Variants in NHLRC2 observed in about 807,000 individuals in gnomAD.
NHLRC2 encodes the protein NHL repeat containing 2, also known as NHL repeat-containing protein 2.
A neutral mutation model predicts 68.1 loss-of-function variants in NHLRC2; 33 were observed. That is an observed-to-expected ratio of 0.48 (90% CI 0.37 to 0.65). The LOEUF (loss-of-function observed/expected upper bound fraction) is 0.65. Ranked by LOEUF, NHLRC2 falls within the 30% of genes least tolerant of loss-of-function variation. NHLRC2 has a pLI of 0.00. For synonymous variants in NHLRC2, 311 were observed against 309.6 expected (o/e 1.00, Z -0.05); for missense variants, 761 against 853.8 (o/e 0.89, Z 1.35).
intron 6 of NHLRC2, among the ~76,000 whole-genome samples, chr10:113,900,901 C>G (rs929953444): frequency 6.6e-6 from 1 of 152,134 alleles, no homozygotes; most frequent in Non-Finnish European, 1.5e-5. Context: ...TGTCCCGAGT[C>G]AGCTGCTTCC....
At chr10:113,859,760 G>C (rs1354578187) in intron 2 of NHLRC2, among the ~76,000 whole-genome samples, 1 of 152,184 alleles carries the variant, frequency 6.6e-6, no homozygotes, top group African/African-American at 2.4e-5. Context: ...GCTAACTGCT[G>C]AGGAAATATG....
chr10:113,865,489 G>A (rs1411947609), intron 2 of NHLRC2, among the ~76,000 whole-genome samples: 1 of 150,704 alleles, frequency 6.6e-6, no homozygotes, highest in Non-Finnish European at 1.5e-5. Context: ...ACAGGTTTGT[G>A]AAGAATATTG....
At chr10:113,872,280 A>G (rs1039591845) in intron 2 of NHLRC2, among the ~76,000 whole-genome samples, 1 of 152,138 alleles carries the variant, frequency 6.6e-6, no homozygotes, top group African/African-American at 2.4e-5. Context: ...GAGAAAGAAG[A>G]TATATCAACC....
At chr10:113,898,526 G>C (rs1222679444) in intron 6 of NHLRC2, among the ~76,000 whole-genome samples, 1 of 152,182 alleles carries the variant, frequency 6.6e-6, no homozygotes, top group Non-Finnish European at 1.5e-5. Context: ...CTACTCAGAA[G>C]TGACACACGT....
At chr10:113,884,424 C>T (rs1410604319) in intron 5 of NHLRC2, 44 bp downstream of exon 5, 5 of 1,515,664 alleles carry the variant, frequency 3.3e-6, no homozygotes, top group Admixed American at 1.8e-5. Flanking sequence ...AATTTTACTT[C>T]ATGTAAGATT....
chr10:113,870,221 TC>T (rs1246243479), intron 2 of NHLRC2, among the ~76,000 whole-genome samples: 4 of 152,152 alleles, frequency 2.6e-5, no homozygotes, highest in Non-Finnish European at 5.9e-5. Flanking sequence ...TCATTTTAAG[TC>T]CCCCCATCTT....
chr10:113,881,858 C>T (rs141117131), intron 4 of NHLRC2, among the ~76,000 whole-genome samples: 1 of 151,830 alleles, frequency 6.6e-6, no homozygotes, highest in Non-Finnish European at 1.5e-5. Flanking sequence ...ACAGATAGTC[C>T]CTGTCCCCTC....
chr10:113,861,745 G>A (rs1324088027), intron 2 of NHLRC2, among the ~76,000 whole-genome samples: 1 of 152,144 alleles, frequency 6.6e-6, no homozygotes, highest in Non-Finnish European at 1.5e-5. Context: ...TAATAGGCAA[G>A]TATAAAAACT....
intron 2 of NHLRC2, among the ~76,000 whole-genome samples, chr10:113,862,611 C>A (rs538631147): frequency 6.6e-6 from 1 of 152,178 alleles, no homozygotes; most frequent in East Asian, 1.9e-4. Flanking sequence ...TGGATTAAGT[C>A]TTCTAATTGA....
rs140777517 is a variant in NHLRC2, at chr10:113,876,790, A to C, written c.601A>C (p.Arg201=). The C allele has an allele frequency of 6.2e-7, 1 of 1,612,084 alleles. No individual in the cohort carries two copies. The highest frequency in any genetic ancestry group is 1.3e-5 in the African/African-American group (1 of 74,982). The change falls in exon 3 of 11, where the codon AGG becomes CGG. Residue 201 remains arginine (R), a synonymous_variant. Coordinates refer to ENST00000369301, the MANE Select transcript of NHLRC2 (RefSeq NM_198514.4). ...AATTGCTTTAAAGTATTACAAAGAC[A>C]GGGGGCAGATCAGAGATAATAAAAT... ...TSIALKYYKD[R]GQIRDNKIGI... is the part of the protein sequence containing the mutation.
chr10:113,890,772 C>T (rs1846123525), intron 5 of NHLRC2, among the ~76,000 whole-genome samples: 1 of 152,032 alleles, frequency 6.6e-6, no homozygotes, highest in Non-Finnish European at 1.5e-5. Flanking sequence ...TGTATTAGTC[C>T]ATTCTCATAC....
rs1846304939 is a variant in NHLRC2, at chr10:113,909,459, T to C, written c.*923T>C. The C allele has an allele frequency of 1.3e-5, 2 of 152,168 alleles. No homozygotes were observed. The highest frequency in any genetic ancestry group is 4.8e-5 in the African/African-American group (2 of 41,460). The allele number at this position is 152,168 out of a possible 1,614,324, so 9.4% of individuals were successfully genotyped here. The stretch of plus-strand genomic sequence containing the variant: ...TTTGTTGAGTTTAGGTTTTGAGGTT[T>C]TTTTCGTTCCCATATTCAGAATTTA... On this transcript the variant is annotated 3_prime_UTR_variant, in exon 11 of 11. Transcript: ENST00000369301.
chr10:113,899,851 G>C (rs1393778761), intron 6 of NHLRC2, among the ~76,000 whole-genome samples: 3 of 152,022 alleles, frequency 2.0e-5, no homozygotes, highest in Non-Finnish European at 4.4e-5. Context: ...CCAGGAGGCG[G>C]AAGGTTGCAG....
At chr10:113,863,166 C>A (rs1195012402) in intron 2 of NHLRC2, among the ~76,000 whole-genome samples, 1 of 152,080 alleles carries the variant, frequency 6.6e-6, no homozygotes, top group Non-Finnish European at 1.5e-5. Flanking sequence ...ATAACACTAC[C>A]CAACAACAAC....
rs1236419646 is a variant in NHLRC2 at position 113,910,147 on chromosome 10, T to G, written c.*1611T>G. On this transcript the variant is annotated 3_prime_UTR_variant, in exon 11 of 11. Transcript: ENST00000369301. ...CACAAGCAATCAAAAAAATGAAATG[T>G]TCTGTAATAAAAGGGTGTATAACAT... The G allele has an allele frequency of 6.6e-6, 1 of 152,194 alleles. No individual in the cohort carries two copies. The highest frequency in any genetic ancestry group is 1.9e-4 in the East Asian group (1 of 5,196). 9.4% of individuals were successfully genotyped at this position (152,194 alleles called of 1,614,324 possible).
chr10:113,901,712 G>A lies in NHLRC2; in HGVS notation c.1186G>A (p.Glu396Lys). 2 of 1,614,202 alleles carry A rather than the reference G, an allele frequency of 1.2e-6. No individual in the cohort carries two copies. The highest frequency in any genetic ancestry group is 1.3e-5 in the African/African-American group (1 of 75,062). The change falls in exon 7 of 11, where the codon GAA becomes AAA. Residue 396 changes from glutamate (E) to lysine (K), a missense_variant. Glu to Lys is a moderately conservative substitution (Grantham distance 56). Transcript: ENST00000369301. The part of the protein sequence containing the change: ...TCLRFAGSGN[E>K]ENRNNAYPHK... The stretch of plus-strand genomic sequence containing the variant: ...CCTTAGGTTTGCTGGAAGTGGAAAT[G>A]AAGAGAATCGAAACAATGCCTATCC...
In NHLRC2 at chr10:113,912,785, A is replaced by C. The variant is rs1229269062; in HGVS notation, c.*4249A>C. The stretch of plus-strand genomic sequence containing the variant: ...CGTATCTGAAGAATAGAAAACCGGA[A>C]TAGTGCTCGATGCCTGAAGTGGTGC... On this transcript the variant is annotated 3_prime_UTR_variant, in exon 11 of 11. Coordinates refer to ENST00000369301, the MANE Select transcript of NHLRC2 (RefSeq NM_198514.4). The C allele has an allele frequency of 6.6e-6, 1 of 152,156 alleles. No individual in the cohort carries two copies. The highest frequency in any genetic ancestry group is 1.5e-5 in the Non-Finnish European group (1 of 68,024). 9.4% of individuals were successfully genotyped at this position (152,156 alleles called of 1,614,324 possible).
At chr10:113,879,729 C>T (rs748908846) in intron 4 of NHLRC2, 34 bp downstream of exon 4, 8 of 1,320,982 alleles carry the variant, frequency 6.1e-6, no homozygotes, top group Non-Finnish European at 7.3e-6. Flanking sequence ...TTAATACTTA[C>T]AATCAGAAAA....
rs182890077 is a variant in NHLRC2, at chr10:113,879,335, T to C, written c.788-239T>C. On this transcript the variant is annotated intron_variant, in intron 3 of 10. Coordinates refer to ENST00000369301, the MANE Select transcript of NHLRC2 (RefSeq NM_198514.4). ...TAGGTAATGGATAATTAGAATGCTTTTAAAATTATTTTCTTCGCTATATAC... is the reference window on the plus strand; with the variant it reads ...TAGGTAATGGATAATTAGAATGCTTCTAAAATTATTTTCTTCGCTATATAC... 1.9e-3 allele frequency among the ~76,000 whole-genome samples: 292 copies of C among 152,308 alleles called. 2 individuals carry two copies. The highest frequency in any genetic ancestry group is 6.8e-3 in the African/African-American group (282 of 41,576).
Sources: gnomAD v4.1 joint callset for allele counts (sites outside exome capture counted in the v4.1 genomes callset) on GRCh38, gnomAD v4.1.1 for gene constraint, MANE v1.5 for transcripts, NCBI Gene and HGNC (gene_info 2026-07-23, HGNC 2026-07-21) for gene names.